Variants in NAALADL2 observed in about 807,000 individuals in gnomAD.
NAALADL2 encodes inactive N-acetylated-alpha-linked acidic dipeptidase-like protein 2.
Under a neutral mutation model 87.2 loss-of-function variants are expected in NAALADL2, and 76 were observed. The observed-to-expected ratio is 0.87, with a 90% CI of 0.72 to 1.05. The LOEUF is 1.05. Among genes scored for constraint, NAALADL2 ranks in the 50% least tolerant of loss-of-function variants. The pLI is 0.00. For synonymous variants in NAALADL2, 354 were observed against 331.0 expected (o/e 1.07, Z -0.75); for missense variants, 1,089 against 945.8 (o/e 1.15, Z -1.99).
chr3:175,591,884 A>G (rs1327523856), intron 10 of NAALADL2, among the ~76,000 whole-genome samples: 1 of 150,930 alleles, frequency 6.6e-6, no homozygotes, highest in Non-Finnish European at 1.5e-5. Flanking sequence ...AACATTATGT[A>G]ATACAGATAC....
At chr3:174,919,690 G>T (rs1734887124) in intron 1 of NAALADL2, among the ~76,000 whole-genome samples, 1 of 152,146 alleles carries the variant, frequency 6.6e-6, no homozygotes, top group African/African-American at 2.4e-5. Context: ...CCTCCCGTAA[G>T]TCATGAATAT....
intron 11 of NAALADL2, among the ~76,000 whole-genome samples, chr3:175,667,203 G>GAAAGAAAGAAAGAAAGAA (rs1560942756): frequency 1.3e-4 from 14 of 110,246 alleles, no homozygotes; most frequent in African/African-American, 7.7e-4. Flanking sequence ...AAGAAAGAAA[G>GAAAGAAAGAAAGAAAGAA]AAAGAAAGAA....
In NAALADL2 at chr3:175,016,425, A is replaced by C. The variant is rs1750823026; in HGVS notation, c.44-80365A>C. On this transcript the variant is annotated intron_variant, in intron 1 of 13. Coordinates refer to ENST00000454872, the MANE Select transcript of NAALADL2 (RefSeq NM_207015.3). ...GCTCATTGAAAAAATACTGATTATA[A>C]AACAATACACACCATAAGATTCCAG... Among the ~76,000 whole-genome samples the C allele has an allele frequency of 2.0e-5, 3 of 151,480 alleles. No homozygotes were observed. The South Asian group carries it at 6.2e-4, about 31-fold the overall frequency.
intron 13 of NAALADL2, among the ~76,000 whole-genome samples, chr3:175,787,073 A>C (rs1203659416): frequency 1.3e-5 from 2 of 152,006 alleles, no homozygotes; most frequent in Non-Finnish European, 2.9e-5. Context: ...GCCTGTTCTC[A>C]GATCTCCAGC....
intron 1 of NAALADL2, among the ~76,000 whole-genome samples, chr3:174,878,195 T>C (rs1304856645): frequency 1.3e-5 from 2 of 152,146 alleles, no homozygotes; most frequent in East Asian, 3.8e-4. Flanking sequence ...TTTCATAAAG[T>C]ATTTTGAGAA....
At chr3:174,446,512 TATC>T (rs1156939132) in intron 1 of NAALADL2, among the ~76,000 whole-genome samples, 1 of 152,208 alleles carries the variant, frequency 6.6e-6, no homozygotes, top group Non-Finnish European at 1.5e-5. Flanking sequence ...CAAGTACAAT[TATC>T]ATTGGTGATA....
intron 2 of NAALADL2, among the ~76,000 whole-genome samples, chr3:174,719,719 C>T (rs189224771): frequency 1.3e-5 from 2 of 152,268 alleles, no homozygotes; most frequent in African/African-American, 4.8e-5. Flanking sequence ...ATGTTTGAAG[C>T]AATATTACAT....
chr3:174,657,836 C>G (rs562728725), intron 2 of NAALADL2, among the ~76,000 whole-genome samples: 1 of 152,272 alleles, frequency 6.6e-6, no homozygotes, highest in South Asian at 2.1e-4. Context: ...TTACAGACTT[C>G]ATTATTTTGC....
chr3:175,249,568 C>T (rs1054928598), intron 3 of NAALADL2, among the ~76,000 whole-genome samples: 1 of 152,040 alleles, frequency 6.6e-6, no homozygotes, highest in Non-Finnish European at 1.5e-5. Context: ...ACATACGTCA[C>T]ATATATCTCA....
upstream of NAALADL2, among the ~76,000 whole-genome samples, chr3:174,857,867 A>T (rs1726027030): frequency 6.6e-6 from 1 of 152,056 alleles, no homozygotes; most frequent in Admixed American, 6.6e-5. Flanking sequence ...TCCCAATTGC[A>T]ATCAGAAATT....
At chr3:174,442,658 C>T (rs1468900806) in intron 1 of NAALADL2, among the ~76,000 whole-genome samples, 2 of 152,096 alleles carry the variant, frequency 1.3e-5, no homozygotes, top group East Asian at 1.9e-4. Flanking sequence ...GTGTTCTTGA[C>T]ACTGGAATAA....
chr3:174,444,259 G>C (rs1714880459), intron 1 of NAALADL2, among the ~76,000 whole-genome samples: 1 of 152,110 alleles, frequency 6.6e-6, no homozygotes, highest in Non-Finnish European at 1.5e-5. Flanking sequence ...ACAAATGAGA[G>C]AAGGAAAAGT....
intron 1 of NAALADL2, among the ~76,000 whole-genome samples, chr3:175,056,197 A>G (rs183881933): frequency 1.3e-4 from 20 of 152,280 alleles, no homozygotes; most frequent in African/African-American, 3.1e-4. Flanking sequence ...ACAGAAGGGT[A>G]GGGATGAACC....
chr3:175,236,449 T>C (rs112769453), intron 3 of NAALADL2, among the ~76,000 whole-genome samples: 1,600 of 149,842 alleles, frequency 0.011, 30 homozygotes, highest in African/African-American at 0.038. Context: ...CTCCTGAGGC[T>C]GAGGCAGGAG....
At chr3:175,191,495 G>T (rs1331094342) in intron 2 of NAALADL2, among the ~76,000 whole-genome samples, 1 of 152,150 alleles carries the variant, frequency 6.6e-6, no homozygotes, top group African/African-American at 2.4e-5. Flanking sequence ...CAGAGGGACA[G>T]TTGTCAAAAA....
At chr3:175,794,149 A>G (rs149044910) in intron 13 of NAALADL2, among the ~76,000 whole-genome samples, 3 of 152,204 alleles carry the variant, frequency 2.0e-5, no homozygotes, top group African/African-American at 7.2e-5. Context: ...AACGAAATGC[A>G]TCTTTATATT....
intron 11 of NAALADL2, chr3:175,676,004 A>G (rs552521307): frequency 6.6e-6 from 1 of 152,138 alleles, no homozygotes; most frequent in Non-Finnish European, 1.5e-5. Context: ...GCTAAGTTAC[A>G]CTTTAGAGTG....
chr3:175,669,130 T>A (rs923913530), intron 11 of NAALADL2, among the ~76,000 whole-genome samples: 3 of 152,108 alleles, frequency 2.0e-5, no homozygotes, highest in Admixed American at 1.3e-4. Context: ...CATAATACTA[T>A]TCTAATTTCC....
intron 5 of NAALADL2, among the ~76,000 whole-genome samples, chr3:175,427,015 G>A (rs565204997): frequency 6.6e-6 from 1 of 152,260 alleles, no homozygotes; most frequent in South Asian, 2.1e-4. Flanking sequence ...ATTTTTGAAA[G>A]ATTTTGCTAG....
Sources: gnomAD v4.1 joint callset for allele counts (sites outside exome capture counted in the v4.1 genomes callset) on GRCh38, gnomAD v4.1.1 for gene constraint, MANE v1.5 for transcripts, NCBI Gene and HGNC (gene_info 2026-07-23, HGNC 2026-07-21) for gene names.